SH3BGRL2: variants seen among roughly 807,000 people sequenced by gnomAD.
SH3BGRL2 encodes the protein SH3 domain-binding glutamic acid-rich-like protein 2.
A neutral mutation model predicts 14.8 loss-of-function variants in SH3BGRL2; 21 were observed. The ratio of observed to expected loss-of-function variants is 1.42; its 90% CI spans 1.01 to 2.05. The LOEUF (loss-of-function observed/expected upper bound fraction) is 2.05. Among genes scored for constraint, SH3BGRL2 ranks in the 30% most tolerant of loss-of-function variants. The pLI is 0.00. For missense variants in SH3BGRL2, 147 were observed against 130.8 expected, an observed-to-expected ratio of 1.12 and a Z score of -0.61; for synonymous variants, 50 against 47.8, an observed-to-expected ratio of 1.05 and a Z score of -0.19.
intron 1 of SH3BGRL2, among the ~76,000 whole-genome samples, chr6:79,668,622 A>G (rs1360910936): frequency 1.3e-5 from 2 of 152,050 alleles, no homozygotes; most frequent in Non-Finnish European, 2.9e-5. Context: ...GTTGAGGGTA[A>G]TAGAGTACTA....
rs191986867 is a variant in SH3BGRL2, at chr6:79,667,666, C to T, written c.46-5948C>T. Among the ~76,000 whole-genome samples, 1,286 of 152,154 alleles carry T rather than the reference C, an allele frequency of 8.5e-3. 18 individuals carry two copies. Among genetic ancestry groups the T allele is most frequent in the African/African-American group, 0.03 (1,226 of 41,494 alleles). On this transcript the variant is annotated intron_variant, in intron 1 of 3. Coordinates refer to ENST00000369838, the MANE Select transcript of SH3BGRL2 (RefSeq NM_031469.4). ...TTCACTATGTTGGCCAGGCTGGTCTCGAACTCCTGACCTCAGGTGATCTGT... is the reference window on the plus strand; with the variant it reads ...TTCACTATGTTGGCCAGGCTGGTCTTGAACTCCTGACCTCAGGTGATCTGT...
At chr6:79,583,463 G>T in the SH3BGRL2 span, among the ~76,000 whole-genome samples, 4 of 152,204 alleles carry the variant, frequency 2.6e-5, no homozygotes, top group African/African-American at 9.6e-5. Flanking sequence ...TAAAAAAGAT[G>T]AGTTCATGTC....
the SH3BGRL2 span, among the ~76,000 whole-genome samples, chr6:79,624,996 G>A: frequency 6.6e-5 from 10 of 151,852 alleles, no homozygotes; most frequent in East Asian, 1.9e-4. Flanking sequence ...CATAGACTCC[G>A]TGTCTACAAA....
intron 1 of SH3BGRL2, among the ~76,000 whole-genome samples, chr6:79,658,066 A>T (rs1769460627): frequency 1.3e-5 from 2 of 152,310 alleles, no homozygotes; most frequent in African/African-American, 4.8e-5. Context: ...ATATTCCTTT[A>T]AACTGAAGAA....
chr6:79,628,815 T>C (rs1347051294), upstream of SH3BGRL2, among the ~76,000 whole-genome samples: 1 of 152,192 alleles, frequency 6.6e-6, no homozygotes, highest in East Asian at 1.9e-4. Context: ...TCAGAATGCA[T>C]TTGGACACAG....
At chr6:79,679,242 C>A (rs530995779) in intron 2 of SH3BGRL2, among the ~76,000 whole-genome samples, 5 of 151,962 alleles carry the variant, frequency 3.3e-5, no homozygotes, top group African/African-American at 1.2e-4. Context: ...GTGTATAGGC[C>A]TTTCCTTTTC....
At chr6:79,637,676 G>C (rs1477479231) in intron 1 of SH3BGRL2, among the ~76,000 whole-genome samples, 3 of 150,706 alleles carry the variant, frequency 2.0e-5, no homozygotes, top group Non-Finnish European at 4.4e-5. Flanking sequence ...TGAGTGACAA[G>C]AGTGAAACTC....
intron 1 of SH3BGRL2, 98 bp from the exon 2 acceptor site, chr6:79,673,514 CTT>C: frequency 8.0e-7 from 1 of 1,247,188 alleles, no homozygotes; most frequent in Non-Finnish European, 1.1e-6. Context: ...TAAATCACCT[CTT>C]TTTTTGTATC....
chr6:79,558,604 C>G, the SH3BGRL2 span, among the ~76,000 whole-genome samples: 13 of 151,978 alleles, frequency 8.6e-5, no homozygotes, highest in Non-Finnish European at 1.5e-4. Flanking sequence ...GTGGCTCATG[C>G]TTGTAATCCT....
chr6:79,656,674 C>T (rs1180198166), intron 1 of SH3BGRL2, among the ~76,000 whole-genome samples: 2 of 152,090 alleles, frequency 1.3e-5, no homozygotes, highest in African/African-American at 4.8e-5. Context: ...ATTTACATAG[C>T]ATTCACATTG....
chr6:79,567,062 A>G, the SH3BGRL2 span, among the ~76,000 whole-genome samples: 3 of 152,176 alleles, frequency 2.0e-5, no homozygotes, highest in African/African-American at 7.2e-5. Context: ...CTGGTTTCCT[A>G]TAGGCTGTAA....
At chr6:79,568,279 A>T in the SH3BGRL2 span, among the ~76,000 whole-genome samples, 5 of 152,196 alleles carry the variant, frequency 3.3e-5, no homozygotes, top group Admixed American at 2.0e-4. Flanking sequence ...TAAAATATTT[A>T]TTGCAGCACT....
the SH3BGRL2 span, among the ~76,000 whole-genome samples, chr6:79,607,626 A>G: frequency 6.6e-6 from 1 of 152,096 alleles, no homozygotes; most frequent in Non-Finnish European, 1.5e-5. Flanking sequence ...TCGTGTTGCT[A>G]TAACTACTTG....
At chr6:79,630,010 G>A (rs1212191896), upstream of SH3BGRL2, among the ~76,000 whole-genome samples, 2 of 152,094 alleles carry the variant, frequency 1.3e-5, no homozygotes, top group Non-Finnish European at 2.9e-5. Context: ...TTTTATAAAC[G>A]TGCATTTCCA....
At chr6:79,589,044 A>G in the SH3BGRL2 span, among the ~76,000 whole-genome samples, 2 of 152,142 alleles carry the variant, frequency 1.3e-5, no homozygotes, top group Non-Finnish European at 2.9e-5. Context: ...TAGCATTTTC[A>G]TATAACCTAT....
the SH3BGRL2 span, among the ~76,000 whole-genome samples, chr6:79,609,264 T>G: frequency 6.6e-6 from 1 of 152,172 alleles, no homozygotes; most frequent in South Asian, 2.1e-4. Context: ...GAAATTTTCT[T>G]AAGAGGAAAA....
At chr6:79,642,603 G>A (rs1179144771) in intron 1 of SH3BGRL2, among the ~76,000 whole-genome samples, 1 of 152,136 alleles carries the variant, frequency 6.6e-6, no homozygotes, top group Non-Finnish European at 1.5e-5. Flanking sequence ...CCAGAGAGAG[G>A]ATCAGGACTT....
At chr6:79,557,606 A>G in the SH3BGRL2 span, among the ~76,000 whole-genome samples, 3 of 152,178 alleles carry the variant, frequency 2.0e-5, no homozygotes, top group East Asian at 5.8e-4. Flanking sequence ...TCCCAATATC[A>G]TGTAATAGTC....
chr6:79,697,424 C>T (rs753219971), intron 3 of SH3BGRL2, among the ~76,000 whole-genome samples: 1 of 151,982 alleles, frequency 6.6e-6, no homozygotes. Flanking sequence ...TTAACACAAC[C>T]GAAATAAAAG....
Sources: allele counts gnomAD v4.1 joint callset (sites outside exome capture counted in the v4.1 genomes callset), GRCh38; gene constraint gnomAD v4.1.1; transcripts MANE v1.5; gene names NCBI Gene and HGNC (gene_info 2026-07-23, HGNC 2026-07-21).